The following MTM1 variants were observed in gnomAD, a reference collection of about 807,000 sequenced individuals.
MTM1 encodes the protein myotubularin 1.
A neutral mutation model predicts 52.1 loss-of-function variants in MTM1; 9 were observed. The observed-to-expected ratio is 0.17, with a 90% CI of 0.10 to 0.30. The LOEUF is 0.30. Ranked by LOEUF, MTM1 falls within the 10% of genes least tolerant of loss-of-function variation. The probability of loss-of-function intolerance (pLI) is 1.00; values close to 1 mark genes in which losing one functional copy is unlikely to be tolerated. For missense variants in MTM1, 277 were observed against 470.7 expected, an observed-to-expected ratio of 0.59 and a Z score of 3.81; for synonymous variants, 136 against 163.8, an observed-to-expected ratio of 0.83 and a Z score of 1.29.
At chrX:150,618,418 C>T (rs1205504799) in intron 5 of MTM1, among the ~76,000 whole-genome samples, 1 of 111,329 alleles carries the variant, frequency 9.0e-6, no homozygotes, top group African/African-American at 3.3e-5. Context: ...CTTTGGGAGG[C>T]CGAGGCAGGC....
chrX:150,583,294 TTATA>T (rs1385470382), intron 1 of MTM1, among the ~76,000 whole-genome samples: 17 of 55,632 alleles, frequency 3.1e-4, no homozygotes, highest in Non-Finnish European at 4.7e-4. Flanking sequence ...TATATATAAA[TTATA>T]TATATTATAT....
At chrX:150,613,445 AT>A (rs1225249571) in intron 4 of MTM1, among the ~76,000 whole-genome samples, 43 of 111,293 alleles carry the variant, frequency 3.9e-4, no homozygotes, top group Non-Finnish European at 7.2e-4. Context: ...GTTGAGTATA[AT>A]TTTTTCTACC....
At chrX:150,655,087 A>G (rs1483241213) in intron 10 of MTM1, among the ~76,000 whole-genome samples, 1 of 110,893 alleles carries the variant, frequency 9.0e-6, no homozygotes, top group Non-Finnish European at 1.9e-5. Context: ...GCACTTTGGG[A>G]GGCCGAGGCG....
chrX:150,578,120 A>G (rs1335103092), intron 1 of MTM1, among the ~76,000 whole-genome samples: 1 of 112,359 alleles, frequency 8.9e-6, no homozygotes, highest in African/African-American at 3.2e-5. Flanking sequence ...GCCTGAATTA[A>G]TCAGCACAAA....
chrX:150,641,358 T>C lies in MTM1; in HGVS notation c.618T>C (p.Tyr206=). ...DTYPALLVVP[Y]RASDDDLRRV... is the part of the protein sequence containing the mutation. ...ACCCTGCTCTTTTGGTGGTTCCGTA[T>C]CGTGCCTCAGATGATGACCTCCGGA... is the stretch of plus-strand genomic sequence containing the variant. Residue 206 remains tyrosine (Y), a synonymous_variant, in exon 8 of 15, where the codon TAT becomes TAC. Coordinates refer to ENST00000370396, the MANE Select transcript of MTM1 (RefSeq NM_000252.3). 8.3e-7 allele frequency: 1 copy of C among 1,211,746 alleles called. No individual in the cohort carries two copies. The highest frequency in any genetic ancestry group is 1.1e-6 in the Non-Finnish European group (1 of 895,414).
chrX:150,666,737 A>G (rs144971540), intron 14 of MTM1, among the ~76,000 whole-genome samples: 1,548 of 111,733 alleles, frequency 0.014, 31 homozygotes, highest in African/African-American at 0.048. Context: ...ACATGTCAAA[A>G]CAGAACTCCT....
At chrX:150,583,431 T>C (rs2038660635) in intron 1 of MTM1, among the ~76,000 whole-genome samples, 1 of 37,072 alleles carries the variant, frequency 2.7e-5, no homozygotes, top group Non-Finnish European at 4.2e-5. Context: ...TAATTATAAA[T>C]ATATAAAAAT....
chrX:150,579,991 C>G (rs2038550743), intron 1 of MTM1, among the ~76,000 whole-genome samples: 1 of 110,111 alleles, frequency 9.1e-6, no homozygotes, highest in African/African-American at 3.3e-5. Flanking sequence ...CTTCTTTTTT[C>G]CAATATGTTA....
chrX:150,563,998 G>A (rs1489815267), upstream of MTM1, among the ~76,000 whole-genome samples: 1 of 111,725 alleles, frequency 9.0e-6, no homozygotes, highest in African/African-American at 3.3e-5. Flanking sequence ...ATTGTATATG[G>A]TTTCATGATC....
intron 6 of MTM1, among the ~76,000 whole-genome samples, chrX:150,628,248 GTC>G (rs1311297318): frequency 3.6e-5 from 4 of 111,822 alleles, no homozygotes; most frequent in African/African-American, 1.3e-4. Flanking sequence ...GAGTAAAAAA[GTC>G]TCTGTTATAT....
chrX:150,572,050 A>T (rs2038387201), intron 1 of MTM1, among the ~76,000 whole-genome samples: 1 of 112,095 alleles, frequency 8.9e-6, no homozygotes, highest in Admixed American at 9.5e-5. Context: ...GGCATTGTGT[A>T]CTACTAGTGC....
chrX:150,572,922 A>G (rs1479543872), intron 1 of MTM1, among the ~76,000 whole-genome samples: 1 of 112,896 alleles, frequency 8.9e-6, no homozygotes, highest in Non-Finnish European at 1.9e-5. Flanking sequence ...AATGAATTTC[A>G]TGTACTTGTA....
intron 13 of MTM1, among the ~76,000 whole-genome samples, chrX:150,663,011 G>C (rs1388829510): frequency 8.9e-6 from 1 of 112,219 alleles, no homozygotes; most frequent in Non-Finnish European, 1.9e-5. Context: ...CTGTCAAGTA[G>C]ACACAGATTA....
intron 1 of MTM1, among the ~76,000 whole-genome samples, chrX:150,575,944 T>C (rs1392598815): frequency 9.0e-6 from 1 of 111,328 alleles, no homozygotes; most frequent in East Asian, 2.8e-4. Flanking sequence ...CCCAAAGTGC[T>C]TAGGATTACA....
chrX:150,565,831 T>C (rs2038254942), upstream of MTM1, among the ~76,000 whole-genome samples: 1 of 111,723 alleles, frequency 9.0e-6, no homozygotes, highest in African/African-American at 3.3e-5. Context: ...TAGGCTGTGC[T>C]ACTCAGAAGG....
intron 7 of MTM1, 97 bp from the exon 8 acceptor site, chrX:150,641,172 A>C: frequency 2.2e-6 from 2 of 913,194 alleles, no homozygotes; most frequent in Non-Finnish European, 3.2e-6. Flanking sequence ...TCAAAGAGGC[A>C]TGTGCACATA....
chrX:150,594,502 G>T (rs2038943407), intron 2 of MTM1, among the ~76,000 whole-genome samples: 1 of 111,797 alleles, frequency 8.9e-6, no homozygotes, highest in African/African-American at 3.3e-5. Flanking sequence ...ATGGTATTTT[G>T]ATTTTGAAAT....
At chrX:150,659,980 T>C (rs2040191965) in intron 12 of MTM1, among the ~76,000 whole-genome samples, 1 of 111,727 alleles carries the variant, frequency 9.0e-6, no homozygotes, top group Non-Finnish European at 1.9e-5. Flanking sequence ...TTTTAAAAAT[T>C]AAGTATTTAA....
intron 4 of MTM1, among the ~76,000 whole-genome samples, chrX:150,607,041 T>C (rs889023498): frequency 1.0e-5 from 1 of 99,975 alleles, no homozygotes; most frequent in Admixed American, 1.1e-4. Flanking sequence ...TGCAGTGGCG[T>C]GATCTCGGCT....
Sources: gnomAD v4.1 joint callset for allele counts (sites outside exome capture counted in the v4.1 genomes callset) on GRCh38, gnomAD v4.1.1 for gene constraint, MANE v1.5 for transcripts, NCBI Gene and HGNC (gene_info 2026-07-23, HGNC 2026-07-21) for gene names.